RPH3AL: variants seen among roughly 807,000 people sequenced by gnomAD.
RPH3AL encodes the protein rab effector Noc2.
A neutral mutation model predicts 43.1 loss-of-function variants in RPH3AL; 38 were observed. The observed-to-expected ratio is 0.88, with a 90% CI of 0.68 to 1.15. The LOEUF is 1.15. RPH3AL is among the 50% of genes most tolerant of loss of function. The pLI is 0.00. For missense variants in RPH3AL, 462 were observed against 423.2 expected, an observed-to-expected ratio of 1.09 and a Z score of -0.81; for synonymous variants, 189 against 176.3, an observed-to-expected ratio of 1.07 and a Z score of -0.57.
At chr17:339,580 C>T (rs2045058140) in intron 1 of RPH3AL, 2 of 152,254 alleles carry the variant, frequency 1.3e-5, no homozygotes, top group African/African-American at 4.8e-5. Flanking sequence ...ATCATCACTC[C>T]TTTCAGAAAA....
chr17:259,478 C>T (rs1485270082), intron 6 of RPH3AL, among the ~76,000 whole-genome samples: 1 of 152,130 alleles, frequency 6.6e-6, no homozygotes, highest in African/African-American at 2.4e-5. Context: ...GCCTGTCACC[C>T]GCTGCCTGGC....
At chr17:321,513 G>A in intron 3 of RPH3AL, 98 bp from the exon 4 acceptor site, 1 of 1,346,212 alleles carries the variant, frequency 7.4e-7, no homozygotes, top group Non-Finnish European at 9.7e-7. Flanking sequence ...ACAGTCAGTG[G>A]ACGGCCCAGG....
At chr17:276,095 C>A (rs781603453) in intron 6 of RPH3AL, among the ~76,000 whole-genome samples, 10 of 152,124 alleles carry the variant, frequency 6.6e-5, no homozygotes, top group Non-Finnish European at 1.3e-4. Context: ...CAGAGGAAAT[C>A]GGGGACGAGA....
chr17:275,838 T>G (rs1032386079), intron 6 of RPH3AL, among the ~76,000 whole-genome samples: 8 of 152,242 alleles, frequency 5.3e-5, no homozygotes, highest in African/African-American at 1.9e-4. Flanking sequence ...TGAGCCACCA[T>G]GCCCAGGCTT....
At position 264,711 on chromosome 17, in the gene RPH3AL, C is replaced by T. The variant is rs1297939333; in HGVS notation, c.438+17057G>A. On this transcript the variant is annotated intron_variant, in intron 6 of 9. Coordinates refer to ENST00000331302, the MANE Select transcript of RPH3AL (RefSeq NM_006987.4). This position sits in a 1 kb window ranked among gnomAD's most constrained non-coding sequence, Gnocchi z 4.8. ...GCTCTTCTAAGCGTGGAGGATGACC[C>T]TTCCACCTGTGACCGGTATCAGCAA... 6.6e-6 allele frequency among the ~76,000 whole-genome samples: 1 copy of T among 152,212 alleles called. No individual in the cohort carries two copies. The highest frequency in any genetic ancestry group is 1.5e-5 in the Non-Finnish European group (1 of 68,044).
chr17:282,995 G>T (rs765314489), intron 5 of RPH3AL, among the ~76,000 whole-genome samples: 3 of 152,240 alleles, frequency 2.0e-5, no homozygotes, highest in Admixed American at 2.0e-4. Flanking sequence ...GCCAGAAGAA[G>T]CAAGCTGGGA....
At chr17:266,878 C>T (rs912086450) in intron 6 of RPH3AL, among the ~76,000 whole-genome samples, 18 of 152,234 alleles carry the variant, frequency 1.2e-4, no homozygotes, top group Non-Finnish European at 1.9e-4. Context: ...ATTTGCCAGT[C>T]GCAGAGGGAG....
intron 5 of RPH3AL, among the ~76,000 whole-genome samples, chr17:293,497 G>A (rs2043095593): frequency 6.6e-6 from 1 of 152,140 alleles, no homozygotes; most frequent in African/African-American, 2.4e-5. Context: ...GGGGCAGCGG[G>A]GTCCAGGGGC....
At chr17:301,649 G>T (rs929425866) in intron 5 of RPH3AL, among the ~76,000 whole-genome samples, 2 of 151,954 alleles carry the variant, frequency 1.3e-5, no homozygotes, top group Non-Finnish European at 2.9e-5. Context: ...TTATTGCCTG[G>T]GCTGGTCTCA....
chr17:250,905 T>C (rs1315758321), intron 6 of RPH3AL, among the ~76,000 whole-genome samples: 1 of 152,166 alleles, frequency 6.6e-6, no homozygotes, highest in Non-Finnish European at 1.5e-5. Context: ...CTAAGCGCCA[T>C]CGCTGCAGGA....
At position 307,461 on chromosome 17, in the gene RPH3AL, G is replaced by A. The variant is rs145661739; in HGVS notation, c.351+11959C>T. On this transcript the variant is annotated intron_variant, in intron 5 of 9. Transcript: ENST00000331302. ...CCTCCCCACAGCAGGTCTGCCCCAC[G>A]CTCATCCCTGCCTTCTACTTCTACA... 1.4e-4 allele frequency among the ~76,000 whole-genome samples: 21 copies of A among 152,128 alleles called. No homozygotes were observed. The East Asian group carries it at 3.9e-3, about 28-fold the overall frequency.
intron 4 of RPH3AL, among the ~76,000 whole-genome samples, chr17:320,804 T>C (rs1376222614): frequency 1.3e-5 from 2 of 152,200 alleles, no homozygotes; most frequent in Non-Finnish European, 2.9e-5. Flanking sequence ...CTGGACACGA[T>C]GGAAGTGCTG....
intron 7 of RPH3AL, among the ~76,000 whole-genome samples, chr17:230,860 G>T (rs1322806119): frequency 2.6e-5 from 4 of 152,026 alleles, no homozygotes; most frequent in African/African-American, 7.2e-5. Flanking sequence ...TGTTGTTGTT[G>T]TTTTTCATAG....
At chr17:257,143 T>G (rs532077589) in intron 6 of RPH3AL, among the ~76,000 whole-genome samples, 1 of 69,716 alleles carries the variant, frequency 1.4e-5, no homozygotes, top group Non-Finnish European at 3.2e-5. Context: ...CGTCTGTCCT[T>G]TTCCGTCCCT....
intron 5 of RPH3AL, among the ~76,000 whole-genome samples, chr17:314,711 G>A (rs1567507960): frequency 0.12 from 2,414 of 19,898 alleles, 84 homozygotes; most frequent in Middle Eastern, 0.2. Context: ...TAGTCTCTGT[G>A]CTCCACCTCC....
At chr17:315,520 T>G (rs2043982535) in intron 5 of RPH3AL, among the ~76,000 whole-genome samples, 2 of 152,008 alleles carry the variant, frequency 1.3e-5, no homozygotes, top group African/African-American at 4.8e-5. Flanking sequence ...TCCATTGACC[T>G]GTAGTCCCTG....
In RPH3AL at chr17:289,068, G is replaced by C. The variant is rs2042987153; in HGVS notation, c.352-7214C>G. 6.6e-6 allele frequency among the ~76,000 whole-genome samples: 1 copy of C among 152,158 alleles called. No homozygotes were observed. The highest frequency in any genetic ancestry group is 2.4e-5 in the African/African-American group (1 of 41,456). On this transcript the variant is annotated intron_variant, in intron 5 of 9. Coordinates refer to ENST00000331302, the MANE Select transcript of RPH3AL (RefSeq NM_006987.4). This position sits in a 1 kb window ranked among gnomAD's most constrained non-coding sequence, Gnocchi z 5.2. ...CCAGGGACCTGCCCACGGGACACAGGCTTTGGGGCAGGAGAGAGCAGGGTG... is the reference window on the plus strand; with the variant it reads ...CCAGGGACCTGCCCACGGGACACAGCCTTTGGGGCAGGAGAGAGCAGGGTG...
At chr17:259,987 G>C (rs139926927) in intron 6 of RPH3AL, among the ~76,000 whole-genome samples, 128 of 152,310 alleles carry the variant, frequency 8.4e-4, no homozygotes, top group African/African-American at 2.9e-3. Context: ...GCCACTGGAG[G>C]GGGTGGGACA....
intron 6 of RPH3AL, among the ~76,000 whole-genome samples, chr17:273,265 G>T (rs1270517034): frequency 1.0e-5 from 1 of 100,138 alleles, no homozygotes; most frequent in African/African-American, 3.3e-5. Context: ...CAGCGAGGGT[G>T]ACGTCAGGGA....
Sources: gnomAD v4.1 joint callset for allele counts (sites outside exome capture counted in the v4.1 genomes callset) on GRCh38, gnomAD v4.1.1 for gene constraint, Gnocchi (gnomAD v3.1) non-coding constraint, MANE v1.5 for transcripts, NCBI Gene and HGNC (gene_info 2026-07-23, HGNC 2026-07-21) for gene names.